Variants in FAM217B observed in about 807,000 individuals in gnomAD.
FAM217B encodes the protein protein FAM217B.
For synonymous variants in FAM217B, 163 were observed against 173.0 expected, an observed-to-expected ratio of 0.94 and a Z score of 0.45; for missense variants, 463 against 456.9, an observed-to-expected ratio of 1.01 and a Z score of -0.12.
chr20:59,939,772 T>C (rs1319338211), upstream of FAM217B: 12 of 1,222,916 alleles, frequency 9.8e-6, no homozygotes, highest in South Asian at 4.5e-4. Flanking sequence ...GGCGCTGGCG[T>C]TGGCGGCGGC....
chr20:59,940,972 T>C (rs2060901364), intron 1 of FAM217B, among the ~76,000 whole-genome samples: 1 of 152,210 alleles, frequency 6.6e-6, no homozygotes, highest in South Asian at 2.1e-4. Flanking sequence ...CTGCCCTTAA[T>C]CAGCCTCTGG....
At position 59,944,914 on chromosome 20, in the gene FAM217B, G is replaced by A. The variant is rs377074437; in HGVS notation, c.971G>A (p.Arg324Gln). Residue 324 changes from arginine (R) to glutamine (Q), a missense_variant, in exon 4 of 4, where the codon CGA becomes CAA. Physicochemically the swap from Arg to Gln is conservative, Grantham distance 43 (BLOSUM62 1). Coordinates refer to ENST00000360816, the MANE Select transcript of FAM217B (RefSeq NM_022106.3). ...AAGGTGGAAACCAGCGGTCACATTCGAGTTCCCAAACAGGCAGCTGTGATT... is the reference window on the plus strand; with the variant it reads ...AAGGTGGAAACCAGCGGTCACATTCAAGTTCCCAAACAGGCAGCTGTGATT... ...SSKVETSGHI[R>Q]VPKQAAVILD... 18 of 1,614,042 alleles carry A rather than the reference G, an allele frequency of 1.1e-5. No homozygotes were observed. In the South Asian group the frequency reaches 1.4e-4, roughly 13 times the overall value.
chr20:59,939,870 G>A (rs760032572), upstream of FAM217B: 37 of 1,247,526 alleles, frequency 3.0e-5, no homozygotes, highest in Non-Finnish European at 3.4e-5. Context: ...GAGGCTCCGG[G>A]GGCCGAGCTT....
chr20:59,939,949 G>A, upstream of FAM217B: 1 of 1,262,612 alleles, frequency 7.9e-7, no homozygotes, highest in Non-Finnish European at 1.0e-6. Context: ...CCGGCCGTCG[G>A]AAGATGAGGC....
chr20:59,935,722 A>G (rs2060858767), upstream of FAM217B, among the ~76,000 whole-genome samples: 5 of 152,248 alleles, frequency 3.3e-5, no homozygotes, highest in Admixed American at 2.6e-4. Context: ...GCAGTGAGCT[A>G]TGATTGCACC....
At position 59,948,230 on chromosome 20, in the gene FAM217B, G is replaced by T. The variant is rs1226049296; in HGVS notation, c.*3135G>T. The T allele has an allele frequency of 6.0e-6, 1 of 167,010 alleles. No homozygotes were observed. The highest frequency in any genetic ancestry group is 6.5e-5 in the Admixed American group (1 of 15,276). The allele number at this position is 167,010 out of a possible 1,614,324, so 10.3% of individuals were successfully genotyped here. ...TGGGCTGAAGACTTGTAACTAACTT[G>T]AATAGGATAGACTTCATACCCTGTG... is the stretch of plus-strand genomic sequence containing the variant. On this transcript the variant is annotated 3_prime_UTR_variant, in exon 4 of 4. Coordinates refer to ENST00000360816, the MANE Select transcript of FAM217B (RefSeq NM_022106.3).
At chr20:59,939,318 G>A (rs1183472993), upstream of FAM217B, 2 of 1,611,882 alleles carry the variant, frequency 1.2e-6, no homozygotes, top group South Asian at 1.1e-5. Context: ...GTAGCGCACA[G>A]CCACCTGCTT....
In FAM217B at chr20:59,944,102, C is replaced by G; in HGVS notation, c.159C>G (p.Ser53=). The G allele has an allele frequency of 6.2e-7, 1 of 1,614,094 alleles. No individual in the cohort carries two copies. The highest frequency in any genetic ancestry group is 8.5e-7 in the Non-Finnish European group (1 of 1,180,020). The part of the protein sequence containing the change: ...PTEEKLKESI[S]PEARRKRNPL... ...AAGAAAAACTTAAAGAAAGCATTTC[C>G]CCGGAAGCAAGACGCAAAAGGAATC... The change falls in exon 4 of 4, where the codon TCC becomes TCG. Residue 53 remains serine (S), a synonymous_variant. Coordinates refer to ENST00000360816, the MANE Select transcript of FAM217B (RefSeq NM_022106.3).
intron 3 of FAM217B, among the ~76,000 whole-genome samples, chr20:59,943,227 A>G (rs891511949): frequency 1.3e-5 from 2 of 152,226 alleles, no homozygotes; most frequent in South Asian, 2.1e-4. Context: ...CACAGTATTC[A>G]TTATTCCCTT....
upstream of FAM217B, chr20:59,939,505 A>G: frequency 6.2e-7 from 1 of 1,612,222 alleles, no homozygotes; most frequent in South Asian, 1.1e-5. Context: ...TGGCTGCTGC[A>G]GCACAGGTCC....
At chr20:59,937,316 TG>T (rs1419929299), upstream of FAM217B, 2 of 152,636 alleles carry the variant, frequency 1.3e-5, no homozygotes, top group African/African-American at 4.8e-5. Flanking sequence ...TAGCAGGAAA[TG>T]TAACAAGGCT....
upstream of FAM217B, chr20:59,939,218 G>C: frequency 6.2e-7 from 1 of 1,610,770 alleles, no homozygotes; most frequent in Non-Finnish European, 8.5e-7. Flanking sequence ...CTGGAAAGCC[G>C]AAGGTGAAAA....
upstream of FAM217B, chr20:59,939,347 C>G (rs755702252): frequency 2.5e-6 from 4 of 1,611,160 alleles, no homozygotes; most frequent in African/African-American, 2.7e-5. Context: ...CCACGTTGCA[C>G]ACGCGCACCG....
At chr20:59,936,119 A>G (rs1307907512), upstream of FAM217B, among the ~76,000 whole-genome samples, 3 of 152,224 alleles carry the variant, frequency 2.0e-5, no homozygotes, top group Non-Finnish European at 4.4e-5. Context: ...AAACCTGTAT[A>G]CAGCATGTTA....
upstream of FAM217B, chr20:59,938,243 G>A (rs949152708): frequency 2.0e-5 from 3 of 152,228 alleles, no homozygotes; most frequent in Non-Finnish European, 2.9e-5. Context: ...AACATGTACA[G>A]AGAAATACAT....
intron 3 of FAM217B, among the ~76,000 whole-genome samples, chr20:59,943,652 G>C (rs1032677266): frequency 6.6e-6 from 1 of 151,878 alleles, no homozygotes; most frequent in Non-Finnish European, 1.5e-5. Context: ...CAAGCACTTT[G>C]AGAAATGTTA....
At chr20:59,938,778 C>A, upstream of FAM217B, 8 of 325,358 alleles carry the variant, frequency 2.5e-5, no homozygotes, top group Non-Finnish European at 3.3e-5. Context: ...CATGCACCTA[C>A]CCCACCACCC....
At position 59,946,170 on chromosome 20, in the gene FAM217B, A is replaced by T. The variant is rs192770575; in HGVS notation, c.*1075A>T. On this transcript the variant is annotated 3_prime_UTR_variant, in exon 4 of 4. Coordinates refer to ENST00000360816, the MANE Select transcript of FAM217B (RefSeq NM_022106.3). ...GAGTAAGGTTGCTGAATGAATTCTAAACTCGCTTATCTGGTCTTCAGGCTT... is the reference window on the plus strand; with the variant it reads ...GAGTAAGGTTGCTGAATGAATTCTATACTCGCTTATCTGGTCTTCAGGCTT... 5.4e-3 allele frequency: 907 copies of T among 167,124 alleles called. 14 individuals carry two copies. The highest frequency in any genetic ancestry group is 2.8e-4 in the Non-Finnish European group (19 of 68,098). 10.4% of individuals were successfully genotyped at this position (167,124 alleles called of 1,614,324 possible). A position where few individuals can be genotyped will look rare whatever the true frequency, so the allele number is the denominator to read the frequency against.
chr20:59,947,613 T>A lies in FAM217B; in HGVS notation c.*2518T>A. On this transcript the variant is annotated 3_prime_UTR_variant, in exon 4 of 4. Transcript: ENST00000360816. ...AATCTGGGGAATAGTCATAATTTCA[T>A]GTGTTATACAGTTTAAAAAGCCTGC... 6.0e-6 allele frequency: 1 copy of A among 167,262 alleles called. No homozygotes were observed. 10.4% of individuals were successfully genotyped at this position (167,262 alleles called of 1,614,324 possible). A position where few individuals can be genotyped will look rare whatever the true frequency, so the allele number is the denominator to read the frequency against.
Sources: gnomAD v4.1 joint callset for allele counts (sites outside exome capture counted in the v4.1 genomes callset) on GRCh38, gnomAD v4.1.1 for gene constraint, MANE v1.5 for transcripts, NCBI Gene and HGNC (gene_info 2026-07-23, HGNC 2026-07-21) for gene names.